Variants in RABGAP1L observed in about 807,000 individuals in gnomAD.
The protein encoded by RABGAP1L is rab GTPase-activating protein 1-like.
In RABGAP1L, 63 loss-of-function variants were observed where a neutral mutation model predicts 137.7. That is an observed-to-expected ratio of 0.46 (90% CI 0.37 to 0.56). The LOEUF (loss-of-function observed/expected upper bound fraction) is 0.56, where lower values mean the gene tolerates loss of function less well. RABGAP1L is among the 20% of genes least tolerant of loss of function. The pLI is 0.00. For synonymous variants in RABGAP1L, 431 were observed against 433.7 expected, an observed-to-expected ratio of 0.99 and a Z score of 0.08; for missense variants, 1,095 against 1,244.0, an observed-to-expected ratio of 0.88 and a Z score of 1.80.
chr1:174,384,993 G>T (rs1052789620), intron 12 of RABGAP1L, among the ~76,000 whole-genome samples: 1 of 152,112 alleles, frequency 6.6e-6, no homozygotes, highest in African/African-American at 2.4e-5. Context: ...TTGAACCCTG[G>T]GAATGTTACT....
chr1:174,342,977 G>A (rs529215410), intron 11 of RABGAP1L, among the ~76,000 whole-genome samples: 32 of 152,336 alleles, frequency 2.1e-4, no homozygotes, highest in Non-Finnish European at 4.1e-4. Flanking sequence ...GACCTCAGGT[G>A]ATCTGCCTGC....
At chr1:174,715,870 A>G (rs1309267331) in intron 17 of RABGAP1L, among the ~76,000 whole-genome samples, 1 of 152,126 alleles carries the variant, frequency 6.6e-6, no homozygotes, top group African/African-American at 2.4e-5. Flanking sequence ...CCTTCACCTG[A>G]TGCTCCTGGT....
At chr1:174,726,294 AT>A (rs888159034) in intron 17 of RABGAP1L, among the ~76,000 whole-genome samples, 46 of 148,776 alleles carry the variant, frequency 3.1e-4, no homozygotes, top group African/African-American at 1.1e-3. Context: ...TTTTCAGCAG[AT>A]TTTTTTTTTC....
chr1:174,749,207 C>G (rs1208451198), intron 17 of RABGAP1L, among the ~76,000 whole-genome samples: 2 of 151,096 alleles, frequency 1.3e-5, no homozygotes, highest in African/African-American at 4.9e-5. Flanking sequence ...GAAAAGACAT[C>G]AGTCAATACA....
chr1:174,867,407 C>T (rs552945602), intron 19 of RABGAP1L, among the ~76,000 whole-genome samples: 3 of 151,842 alleles, frequency 2.0e-5, no homozygotes, highest in East Asian at 1.9e-4. Context: ...CCCATATTTT[C>T]GTTATATAAG....
At chr1:174,467,473 T>C (rs1015579907) in intron 13 of RABGAP1L, among the ~76,000 whole-genome samples, 3 of 151,812 alleles carry the variant, frequency 2.0e-5, no homozygotes, top group African/African-American at 7.3e-5. Context: ...CACTTAGCCA[T>C]GATTCTCAGG....
rs373226584 is a variant in RABGAP1L at position 174,432,934 on chromosome 1, G to A, written c.1710+38789G>A. The stretch of plus-strand genomic sequence containing the variant: ...TGTTATTATTAATTTCCAAAACTCA[G>A]CATGTTACCTGTGGTTGCAGTTTCT... On this transcript the variant is annotated intron_variant, in intron 13 of 25. Coordinates refer to ENST00000681986, the MANE Select transcript of RABGAP1L (RefSeq NM_001366446.1). 7.9e-5 allele frequency among the ~76,000 whole-genome samples: 12 copies of A among 152,302 alleles called. No homozygotes were observed. The East Asian group carries it at 1.9e-3, about 24-fold the overall frequency.
intron 19 of RABGAP1L, chr1:174,897,113 T>G (rs891928347): frequency 1.3e-5 from 2 of 152,182 alleles, no homozygotes; most frequent in Non-Finnish European, 2.9e-5. Flanking sequence ...TCTTTTATTT[T>G]GTTGAGCAGT....
At chr1:174,203,343 C>T (rs557973540) in intron 1 of RABGAP1L, among the ~76,000 whole-genome samples, 5 of 152,258 alleles carry the variant, frequency 3.3e-5, no homozygotes, top group Admixed American at 1.3e-4. Context: ...AGCCAGTTAT[C>T]TCATCACCAT....
At chr1:174,166,474 T>C (rs1368273067) in intron 1 of RABGAP1L, among the ~76,000 whole-genome samples, 1 of 152,238 alleles carries the variant, frequency 6.6e-6, no homozygotes, top group Non-Finnish European at 1.5e-5. Flanking sequence ...AATCCACTTG[T>C]AAGGAATTGA....
At chr1:174,452,598 G>A (rs895323579) in intron 13 of RABGAP1L, among the ~76,000 whole-genome samples, 1 of 152,010 alleles carries the variant, frequency 6.6e-6, no homozygotes, top group Non-Finnish European at 1.5e-5. Flanking sequence ...GTCTTGCTCT[G>A]TTGCCCAGGC....
intron 19 of RABGAP1L, among the ~76,000 whole-genome samples, chr1:174,878,950 T>TG (rs1653647582): frequency 3.6e-5 from 5 of 137,248 alleles, no homozygotes; most frequent in Admixed American, 1.5e-4. Context: ...TTTTTTTTTT[T>TG]GACATGGAGT....
rs1266222981 is a variant in RABGAP1L, at chr1:174,221,959, C to T, written c.331+795C>T. Among the ~76,000 whole-genome samples the T allele has an allele frequency of 2.0e-5, 3 of 150,996 alleles. No individual in the cohort carries two copies. The East Asian group carries it at 5.8e-4, about 29-fold the overall frequency. Reference sequence around the variant, plus strand: ...AAGTGCAGTGATGCTGTTCAGCCTTCTGAGTAGCTGGGTGTGTACCACCAT... The same window carrying T: ...AAGTGCAGTGATGCTGTTCAGCCTTTTGAGTAGCTGGGTGTGTACCACCAT... On this transcript the variant is annotated intron_variant, in intron 3 of 25. Coordinates refer to ENST00000681986, the MANE Select transcript of RABGAP1L (RefSeq NM_001366446.1).
chr1:174,251,419 T>C (rs1381852178), intron 6 of RABGAP1L, among the ~76,000 whole-genome samples: 1 of 152,150 alleles, frequency 6.6e-6, no homozygotes, highest in African/African-American at 2.4e-5. Context: ...AGACAGTTAA[T>C]AGGAAACAGT....
chr1:174,833,378 G>A (rs941767145), intron 19 of RABGAP1L, among the ~76,000 whole-genome samples: 520 of 51,978 alleles, frequency 0.01, 12 homozygotes, highest in South Asian at 0.02. Context: ...TTGTGTGTGT[G>A]TGTGTGTGTG....
intron 13 of RABGAP1L, among the ~76,000 whole-genome samples, chr1:174,615,223 T>A (rs1671699025): frequency 6.6e-6 from 1 of 152,220 alleles, no homozygotes; most frequent in Non-Finnish European, 1.5e-5. Context: ...CTACTTTTGG[T>A]CTTTGATGAT....
At chr1:174,677,672 G>T (rs1219288893) in intron 14 of RABGAP1L, among the ~76,000 whole-genome samples, 1 of 152,176 alleles carries the variant, frequency 6.6e-6, no homozygotes, top group Non-Finnish European at 1.5e-5. Context: ...ACTCTATTGG[G>T]TTGACAGAGA....
rs1184732577 is a variant in RABGAP1L, at chr1:174,957,450, C to T, written c.2341-7C>T. Reference sequence around the variant, plus strand: ...TGTCTAACATGGTTTTCCTCAAATCCCTGCAGGTACCAACCAAGAAGCTGA... The same window carrying T: ...TGTCTAACATGGTTTTCCTCAAATCTCTGCAGGTACCAACCAAGAAGCTGA... On this transcript the variant is annotated splice_polypyrimidine_tract_variant and splice_region_variant and intron_variant, in intron 19 of 25. Coordinates refer to ENST00000681986, the MANE Select transcript of RABGAP1L (RefSeq NM_001366446.1). 6.8e-6 allele frequency: 11 copies of T among 1,608,376 alleles called. No homozygotes were observed. Among genetic ancestry groups the T allele is most frequent in the African/African-American group, 2.7e-5 (2 of 74,740 alleles).
intron 10 of RABGAP1L, among the ~76,000 whole-genome samples, chr1:174,303,097 T>C (rs554072466): frequency 1.3e-5 from 2 of 152,224 alleles, no homozygotes; most frequent in East Asian, 1.9e-4. Context: ...GTGTCACCTC[T>C]GCAGAGGTAA....
Sources: allele counts gnomAD v4.1 joint callset (sites outside exome capture counted in the v4.1 genomes callset), GRCh38; gene constraint gnomAD v4.1.1; transcripts MANE v1.5; gene names NCBI Gene and HGNC (gene_info 2026-07-23, HGNC 2026-07-21).